Variants in FOXO1 observed in about 807,000 individuals in gnomAD.
FOXO1 encodes forkhead box protein O1.
In FOXO1, 6 loss-of-function variants were observed where a neutral mutation model predicts 44.1. The observed-to-expected ratio is 0.14, with a 90% CI of 0.07 to 0.27. FOXO1 has a LOEUF of 0.27. Among genes scored for constraint, FOXO1 ranks in the 10% least tolerant of loss-of-function variants. The probability of loss-of-function intolerance (pLI) is 1.00; values close to 1 mark genes in which losing one functional copy is unlikely to be tolerated. For synonymous variants in FOXO1, 380 were observed against 362.7 expected (o/e 1.05, Z -0.54); for missense variants, 737 against 888.8 (o/e 0.83, Z 2.17).
chr13:40,650,941 G>T (rs921629783), intron 1 of FOXO1, among the ~76,000 whole-genome samples: 3 of 152,032 alleles, frequency 2.0e-5, no homozygotes, highest in Non-Finnish European at 4.4e-5. Context: ...TTTTAGTAGA[G>T]ACTGGGTTTC....
At chr13:40,647,671 C>T (rs749248830) in intron 1 of FOXO1, among the ~76,000 whole-genome samples, 5 of 152,142 alleles carry the variant, frequency 3.3e-5, no homozygotes, top group Non-Finnish European at 7.3e-5. Flanking sequence ...TCCCAGAGTG[C>T]TAGGATCACA....
intron 1 of FOXO1, among the ~76,000 whole-genome samples, chr13:40,582,085 T>C (rs1593387370): frequency 6.6e-6 from 1 of 152,200 alleles, no homozygotes; most frequent in East Asian, 1.9e-4. Flanking sequence ...AGGCCTACCT[T>C]AGAGATACCT....
At chr13:40,635,054 C>T (rs1877100887) in intron 1 of FOXO1, among the ~76,000 whole-genome samples, 2 of 152,146 alleles carry the variant, frequency 1.3e-5, no homozygotes, top group Admixed American at 1.3e-4. Context: ...ATCTAAACCT[C>T]TAAACCCAAC....
At chr13:40,576,503 C>T (rs1344722622) in intron 1 of FOXO1, among the ~76,000 whole-genome samples, 2 of 152,160 alleles carry the variant, frequency 1.3e-5, no homozygotes, top group East Asian at 1.9e-4. Context: ...ATCTACATTG[C>T]TCTTGATAAG....
At chr13:40,591,566 A>T (rs1875371353) in intron 1 of FOXO1, among the ~76,000 whole-genome samples, 1 of 152,204 alleles carries the variant, frequency 6.6e-6, no homozygotes, top group South Asian at 2.1e-4. Context: ...GATGGAAAGG[A>T]CAGACAGCAG....
chr13:40,620,133 C>A, intron 1 of FOXO1: 1 of 1,363,538 alleles, frequency 7.3e-7, no homozygotes, highest in Non-Finnish European at 1.0e-6. Flanking sequence ...ATACCCCATT[C>A]TCTAATTCAA....
chr13:40,584,629 G>C (rs990126916), intron 1 of FOXO1, among the ~76,000 whole-genome samples: 2 of 152,080 alleles, frequency 1.3e-5, no homozygotes, highest in African/African-American at 4.8e-5. Context: ...AGCCAGGGGG[G>C]CAAAGTGAGA....
intron 1 of FOXO1, among the ~76,000 whole-genome samples, chr13:40,563,490 A>G (rs546782796): frequency 3.7e-4 from 57 of 152,254 alleles, no homozygotes; most frequent in African/African-American, 1.2e-3. Context: ...CAGAGCATAC[A>G]GTGAAGTGTG....
rs867492592 is a variant in FOXO1 at position 40,651,110 on chromosome 13, T to G, written c.630+14473A>C. On this transcript the variant is annotated intron_variant, in intron 1 of 2. Coordinates refer to ENST00000379561, the MANE Select transcript of FOXO1 (RefSeq NM_002015.4). ...TTTTTTGTTTTTTGTTTTTTGTTTTTGTTTTTTTTTAAGAAACATGGTCCC... is the reference window on the plus strand; with the variant it reads ...TTTTTTGTTTTTTGTTTTTTGTTTTGGTTTTTTTTTAAGAAACATGGTCCC... Among the ~76,000 whole-genome samples, 22 of 147,932 alleles carry G rather than the reference T, an allele frequency of 1.5e-4. No homozygotes were observed. The East Asian group carries it at 1.8e-3, about 12-fold the overall frequency.
chr13:40,653,938 A>G (rs1374438279), intron 1 of FOXO1, among the ~76,000 whole-genome samples: 1 of 152,208 alleles, frequency 6.6e-6, no homozygotes, highest in South Asian at 2.1e-4. Context: ...ACCATGACCT[A>G]TATTTTCCAG....
intron 1 of FOXO1, among the ~76,000 whole-genome samples, chr13:40,585,463 G>A (rs553638709): frequency 2.6e-4 from 39 of 152,254 alleles, no homozygotes; most frequent in African/African-American, 8.9e-4. Context: ...CTATTCCAGA[G>A]CACAGCCTTC....
chr13:40,637,214 G>C (rs939290900), intron 1 of FOXO1, among the ~76,000 whole-genome samples: 17 of 152,064 alleles, frequency 1.1e-4, no homozygotes, highest in African/African-American at 3.6e-4. Flanking sequence ...GAGTGCCAAG[G>C]CAGGCGGATC....
chr13:40,568,553 C>CT (rs879379627), intron 1 of FOXO1, among the ~76,000 whole-genome samples: 17 of 152,238 alleles, frequency 1.1e-4, no homozygotes, highest in East Asian at 7.7e-4. Context: ...TTTGCCAACC[C>CT]TTTTTTTACA....
intron 1 of FOXO1, among the ~76,000 whole-genome samples, chr13:40,660,495 C>T (rs1257402491): frequency 6.6e-6 from 1 of 152,202 alleles, no homozygotes; most frequent in African/African-American, 2.4e-5. Context: ...GAAAGCCTAA[C>T]ACAAAACTGC....
chr13:40,621,107 A>T (rs1322113526), intron 1 of FOXO1: 1 of 306,242 alleles, frequency 3.3e-6, no homozygotes, highest in East Asian at 8.9e-5. Flanking sequence ...TGAATACATG[A>T]TTTAACCAAA....
chr13:40,616,911 G>A (rs1204981795), intron 1 of FOXO1, among the ~76,000 whole-genome samples: 5 of 152,196 alleles, frequency 3.3e-5, no homozygotes, highest in Non-Finnish European at 7.3e-5. Context: ...CTCACTTCCA[G>A]TGAGCTTCTC....
At chr13:40,559,277 C>T (rs1238112318) in intron 2 of FOXO1, among the ~76,000 whole-genome samples, 1 of 152,122 alleles carries the variant, frequency 6.6e-6, no homozygotes. Context: ...AAGATGCAGC[C>T]ATCGAACTGT....
At chr13:40,662,240 T>C (rs563177139) in intron 1 of FOXO1, among the ~76,000 whole-genome samples, 26 of 137,440 alleles carry the variant, frequency 1.9e-4, no homozygotes, top group Admixed American at 1.3e-3. Flanking sequence ...AATAAAACAA[T>C]CTAAAAATTT....
chr13:40,641,385 T>C (rs1877348045), intron 1 of FOXO1, among the ~76,000 whole-genome samples: 2 of 151,724 alleles, frequency 1.3e-5, no homozygotes, highest in Non-Finnish European at 2.9e-5. Flanking sequence ...ACTAATACTT[T>C]GACATAAATC....
Sources: allele counts gnomAD v4.1 joint callset (sites outside exome capture counted in the v4.1 genomes callset), GRCh38; gene constraint gnomAD v4.1.1; transcripts MANE v1.5; gene names NCBI Gene and HGNC (gene_info 2026-07-23, HGNC 2026-07-21).